The following APC variants were observed in gnomAD, a reference collection of about 807,000 sequenced individuals.
APC encodes the protein APC regulator of Wnt signaling pathway.
Under a neutral mutation model 247.0 loss-of-function variants are expected in APC, and 72 were observed. That is an observed-to-expected ratio of 0.29 (90% CI 0.24 to 0.35). The LOEUF (loss-of-function observed/expected upper bound fraction) is 0.35, where lower values mean the gene tolerates loss of function less well. Among genes scored for constraint, APC ranks in the 10% least tolerant of loss-of-function variants. The pLI, the probability that APC is intolerant of heterozygous loss-of-function variation, is 1.00. For synonymous variants in APC, 1,254 were observed against 1,162.5 expected (o/e 1.08, Z -1.60); for missense variants, 3,400 against 3,360.7 (o/e 1.01, Z -0.29).
chr5:112,713,025 G>A (rs1399029984), intron 1 of APC, among the ~76,000 whole-genome samples: 1 of 152,040 alleles, frequency 6.6e-6, no homozygotes, highest in Non-Finnish European at 1.5e-5. Context: ...AAAAAAATTA[G>A]CCGGGTATGG....
intron 5 of APC, chr5:112,778,307 C>A (rs145691489): frequency 6.6e-6 from 1 of 152,330 alleles, no homozygotes; most frequent in East Asian, 1.9e-4. Context: ...CTCTCCATGT[C>A]AATGATTTTA....
rs78602351 is a variant in APC, at chr5:112,818,847, C to G, written c.934-119C>G. The G allele has an allele frequency of 2.6e-3, 1,744 of 683,690 alleles. 42 individuals carry two copies. The highest frequency in any genetic ancestry group is 6.5e-3 in the South Asian group (294 of 45,002). The allele number at this position is 683,690 out of a possible 1,614,324, so 42.4% of individuals were successfully genotyped here. ...TTCCGGTTTTTTGTTTTTTTTTTGGCGGGGGGGGTTGTTTTGTTTTTTTAG... is the reference window on the plus strand; with the variant it reads ...TTCCGGTTTTTTGTTTTTTTTTTGGGGGGGGGGGTTGTTTTGTTTTTTTAG... On this transcript the variant is annotated intron_variant, in intron 9 of 15. Coordinates refer to ENST00000257430, the MANE Select transcript of APC (RefSeq NM_000038.6).
chr5:112,732,243 T>C (rs901972178), intron 1 of APC, among the ~76,000 whole-genome samples: 6 of 152,242 alleles, frequency 3.9e-5, no homozygotes, highest in African/African-American at 1.4e-4. Context: ...GTTTCCCTAC[T>C]GTAGTGCAGT....
At chr5:112,755,960 T>G (rs1186716907) in intron 2 of APC, among the ~76,000 whole-genome samples, 6 of 150,450 alleles carry the variant, frequency 4.0e-5, no homozygotes, top group Admixed American at 4.0e-4. Context: ...AAAAAAAAAA[T>G]TACTTCCTTT....
chr5:112,737,586 C>T (rs1411703476), upstream of APC, among the ~76,000 whole-genome samples: 1 of 152,256 alleles, frequency 6.6e-6, no homozygotes, highest in Non-Finnish European at 1.5e-5. Context: ...CCCTGCGGAC[C>T]TCCCCCGACT....
At chr5:112,827,777 T>G (rs1763851670) in intron 12 of APC, 152 bp from the exon 13 acceptor site, 13 of 670,234 alleles carry the variant, frequency 1.9e-5, no homozygotes, top group Non-Finnish European at 3.2e-5. Context: ...GTCTTTTATT[T>G]AGGTAATCTT....
chr5:112,748,949 A>G (rs1450354404), intron 1 of APC, among the ~76,000 whole-genome samples: 1 of 152,208 alleles, frequency 6.6e-6, no homozygotes, highest in Non-Finnish European at 1.5e-5. Context: ...GGCTGCGGTA[A>G]GCCTAGGTGA....
intron 1 of APC, among the ~76,000 whole-genome samples, chr5:112,715,578 A>G (rs1414298618): frequency 6.6e-6 from 1 of 152,144 alleles, no homozygotes; most frequent in Non-Finnish European, 1.5e-5. Flanking sequence ...GTTGGAATGA[A>G]TTCTTCCTTA....
intron 8 of APC, among the ~76,000 whole-genome samples, chr5:112,808,190 G>C (rs1435637313): frequency 6.6e-6 from 1 of 152,074 alleles, no homozygotes; most frequent in East Asian, 1.9e-4. Flanking sequence ...AATAACTGCA[G>C]TGGCATTATT....
chr5:112,824,538 C>G (rs995863674), intron 11 of APC, among the ~76,000 whole-genome samples: 1 of 152,002 alleles, frequency 6.6e-6, no homozygotes. Flanking sequence ...GTATCAAATC[C>G]TAAGATTTTT....
chr5:112,761,572 CAGT>C (rs1755675134), intron 2 of APC, among the ~76,000 whole-genome samples: 2 of 151,966 alleles, frequency 1.3e-5, no homozygotes, highest in Admixed American at 6.6e-5. Context: ...GAAAAAAGAT[CAGT>C]AGAAAATATT....
intron 4 of APC, among the ~76,000 whole-genome samples, chr5:112,774,464 ATTTT>A (rs35554771): frequency 1.6e-5 from 2 of 121,268 alleles, no homozygotes; most frequent in East Asian, 2.4e-4. Context: ...TGCAAGATCG[ATTTT>A]TTTTTTTTTT....
At chr5:112,750,941 A>G (rs943145518) in intron 1 of APC, among the ~76,000 whole-genome samples, 2 of 152,076 alleles carry the variant, frequency 1.3e-5, no homozygotes, top group South Asian at 2.1e-4. Flanking sequence ...TGGCTGTCCT[A>G]TTTCCCAGCA....
intron 2 of APC, among the ~76,000 whole-genome samples, chr5:112,758,590 C>G (rs996115302): frequency 7.9e-5 from 12 of 152,072 alleles, no homozygotes; most frequent in Non-Finnish European, 1.6e-4. Flanking sequence ...TCCCAAAGTG[C>G]TGGGATTACA....
rs1114167600 is a variant in APC, at chr5:112,819,103, C to G, written c.1071C>G (p.Ile357Met). The G allele has an allele frequency of 6.2e-7, 1 of 1,614,086 alleles. No homozygotes were observed. The highest frequency in any genetic ancestry group is 8.5e-7 in the Non-Finnish European group (1 of 1,179,998). The change falls in exon 10 of 16, where the codon ATC (isoleucine) becomes ATG (methionine). Residue 357 changes from isoleucine to methionine, a missense_variant. Transcript: ENST00000257430. ...MRQSGCLPLL[I>M]QLLHGNDKDS... is the part of the protein sequence containing the mutation. Reference sequence around the variant, plus strand: ...AGTCTGGATGTCTTCCTCTCCTCATCCAGCTTTTACATGGCAATGACAAAG... The same window carrying G: ...AGTCTGGATGTCTTCCTCTCCTCATGCAGCTTTTACATGGCAATGACAAAG...
At chr5:112,729,520 A>G (rs1751982861) in intron 1 of APC, among the ~76,000 whole-genome samples, 1 of 152,218 alleles carries the variant, frequency 6.6e-6, no homozygotes, top group Non-Finnish European at 1.5e-5. Flanking sequence ...TCTAAGGCAT[A>G]AGAAAGAGGT....
Position 112,782,452 on chromosome 5 carries a change from A to T in APC, c.645+1549A>T, listed in dbSNP as rs530527679. Among the ~76,000 whole-genome samples the T allele has an allele frequency of 2.4e-4, 37 of 152,276 alleles. No individual in the cohort carries two copies. In the South Asian group the frequency reaches 7.7e-3, roughly 32 times the overall value. On this transcript the variant is annotated intron_variant, in intron 6 of 15. Coordinates refer to ENST00000257430, the MANE Select transcript of APC (RefSeq NM_000038.6). ...TGGAAGGCTAAGGTGCTACTAAAACACCAGTACCATACTACATTTCATAGT... is the reference window on the plus strand; with the variant it reads ...TGGAAGGCTAAGGTGCTACTAAAACTCCAGTACCATACTACATTTCATAGT...
At chr5:112,780,519 A>G (rs985731909) in intron 5 of APC, among the ~76,000 whole-genome samples, 1 of 152,164 alleles carries the variant, frequency 6.6e-6, no homozygotes, top group Non-Finnish European at 1.5e-5. Context: ...GACCAATTAT[A>G]TATTTTAAGT....
chr5:112,802,972 T>C (rs917076676), intron 8 of APC, among the ~76,000 whole-genome samples: 4 of 151,994 alleles, frequency 2.6e-5, no homozygotes, highest in Non-Finnish European at 5.9e-5. Flanking sequence ...AAAATTAAAA[T>C]GGGCAAAGGA....
Sources: gnomAD v4.1 joint callset for allele counts (sites outside exome capture counted in the v4.1 genomes callset) on GRCh38, gnomAD v4.1.1 for gene constraint, MANE v1.5 for transcripts, NCBI Gene and HGNC (gene_info 2026-07-23, HGNC 2026-07-21) for gene names.